SLC22A24: variants seen among roughly 807,000 people sequenced by gnomAD.
The protein encoded by SLC22A24 is steroid transmembrane transporter SLC22A24.
Under a neutral mutation model 49.8 loss-of-function variants are expected in SLC22A24, and 53 were observed. That is an observed-to-expected ratio of 1.06 (90% confidence interval 0.85 to 1.34). The LOEUF is 1.34. Among genes scored for constraint, SLC22A24 ranks in the 40% most tolerant of loss-of-function variants. The pLI, the probability that SLC22A24 is intolerant of heterozygous loss-of-function variation, is 0.00. For missense variants in SLC22A24, 786 were observed against 675.9 expected (o/e 1.16, Z -1.81); for synonymous variants, 302 against 256.4 (o/e 1.18, Z -1.70).
intron 4 of SLC22A24, among the ~76,000 whole-genome samples, chr11:63,107,353 A>G (rs779260250): frequency 6.6e-6 from 1 of 152,138 alleles, no homozygotes; most frequent in Non-Finnish European, 1.5e-5. Context: ...TGTAGTTTGA[A>G]GTCAGGTAGT....
intron 2 of SLC22A24, 122 bp from the exon 3 acceptor site, chr11:63,119,457 C>T: frequency 1.1e-6 from 1 of 916,406 alleles, no homozygotes; most frequent in East Asian, 2.7e-5. Flanking sequence ...TGGTGCTTGA[C>T]ACCGGGTGGC....
intron 4 of SLC22A24, chr11:63,118,691 A>C (rs570483233): frequency 1.9e-6 from 1 of 536,610 alleles, no homozygotes; most frequent in African/African-American, 1.9e-5. Context: ...AAATAATTTC[A>C]TGATAATTCC....
intron 2 of SLC22A24, among the ~76,000 whole-genome samples, chr11:63,133,519 C>G (rs1387985339): frequency 6.6e-6 from 1 of 152,188 alleles, no homozygotes; most frequent in African/African-American, 2.4e-5. Flanking sequence ...CCTCAGTGTC[C>G]TTGTGGGTGA....
At chr11:63,125,195 C>T (rs1339357686) in intron 2 of SLC22A24, among the ~76,000 whole-genome samples, 1 of 151,690 alleles carries the variant, frequency 6.6e-6, no homozygotes, top group African/African-American at 2.4e-5. Flanking sequence ...TCTGAGGTAC[C>T]TGTGCAGAAT....
intron 6 of SLC22A24, among the ~76,000 whole-genome samples, chr11:63,091,891 T>G (rs564769041): frequency 6.6e-6 from 1 of 152,318 alleles, no homozygotes; most frequent in Non-Finnish European, 1.5e-5. Flanking sequence ...AACATAGTAT[T>G]GGAAGTTCTG....
intron 5 of SLC22A24, among the ~76,000 whole-genome samples, chr11:63,100,879 A>G (rs934766262): frequency 1.3e-5 from 2 of 152,158 alleles, no homozygotes; most frequent in African/African-American, 2.4e-5. Flanking sequence ...AGCTCTCACC[A>G]TATAAAAAAT....
At chr11:63,124,309 G>A (rs1005938970) in intron 2 of SLC22A24, among the ~76,000 whole-genome samples, 7 of 152,084 alleles carry the variant, frequency 4.6e-5, no homozygotes, top group African/African-American at 1.7e-4. Context: ...CTGGGGGGAA[G>A]AAAGACAGAA....
At chr11:63,111,157 A>G (rs1189828555) in intron 4 of SLC22A24, among the ~76,000 whole-genome samples, 2 of 151,836 alleles carry the variant, frequency 1.3e-5, no homozygotes, top group Non-Finnish European at 2.9e-5. Context: ...ACATTTATTG[A>G]TTTGTGTATG....
At position 63,134,686 on chromosome 11, in the gene SLC22A24, A is replaced by G. The variant is rs768963599; in HGVS notation, c.485T>C (p.Ile162Thr). Residue 162 changes from isoleucine to threonine, a missense_variant, in exon 2 of 10, where the codon ATA (isoleucine) becomes ACA (threonine). Transcript: ENST00000612278. Reference protein sequence around the residue: ...FMAGSLLGGLIYGHLSDRVGR... With the variant: ...FMAGSLLGGLTYGHLSDRVGR... The stretch of plus-strand genomic sequence containing the variant: ...TCACCTGTCTGAAAGATGGCCATAT[A>G]TTAGACCTCCCAGAAGTGACCCAGC... 11 of 1,551,238 alleles carry G rather than the reference A, an allele frequency of 7.1e-6. No homozygotes were observed. In the African/African-American group the frequency reaches 1.2e-4, roughly 17 times the overall value.
chr11:63,142,332 A>T (rs1268381392), intron 1 of SLC22A24, among the ~76,000 whole-genome samples: 3 of 152,150 alleles, frequency 2.0e-5, no homozygotes, highest in Non-Finnish European at 2.9e-5. Flanking sequence ...GGTGTTATAA[A>T]ACCCAAAGGG....
At position 63,080,976 on chromosome 11, in the gene SLC22A24, G is replaced by A. The variant is rs766953635; in HGVS notation, c.1542C>T (p.Leu514=). Residue 514 remains leucine, a synonymous_variant, in exon 9 of 10, where the codon CTC becomes CTT. Coordinates refer to ENST00000612278, the MANE Select transcript of SLC22A24 (RefSeq NM_001136506.2). ...GAGGTAGATCCCTGGTTTCTGGAAG[G>A]AGGAGGATAACAGGGACAGCAAGGA... is the stretch of plus-strand genomic sequence containing the variant. ...FPILAVPVIL[L]LPETRDLPLP... is the part of the protein sequence containing the mutation. 25 of 1,552,100 alleles carry A rather than the reference G, an allele frequency of 1.6e-5. No homozygotes were observed. The South Asian group carries it at 2.7e-4, about 17-fold the overall frequency.
At chr11:63,095,494 C>A (rs949122273) in intron 6 of SLC22A24, among the ~76,000 whole-genome samples, 1 of 152,020 alleles carries the variant, frequency 6.6e-6, no homozygotes, top group Non-Finnish European at 1.5e-5. Flanking sequence ...ATTCAAGAAC[C>A]AGCAAATGTA....
intron 6 of SLC22A24, among the ~76,000 whole-genome samples, chr11:63,089,817 C>T (rs2087007712): frequency 6.6e-6 from 1 of 152,194 alleles, no homozygotes; most frequent in East Asian, 1.9e-4. Context: ...CGCGGTGGCT[C>T]ACGTCTGTAA....
chr11:63,106,757 C>A (rs2087124356), intron 4 of SLC22A24, among the ~76,000 whole-genome samples: 1 of 152,148 alleles, frequency 6.6e-6, no homozygotes, highest in East Asian at 1.9e-4. Context: ...ATATCCTTCA[C>A]CCACTTTTTG....
intron 2 of SLC22A24, among the ~76,000 whole-genome samples, chr11:63,120,779 C>G (rs2087246336): frequency 6.6e-6 from 1 of 152,006 alleles, no homozygotes; most frequent in African/African-American, 2.4e-5. Flanking sequence ...CATGATTACT[C>G]TTATAAAATG....
intron 6 of SLC22A24, among the ~76,000 whole-genome samples, chr11:63,088,097 A>G (rs2135194393): frequency 6.6e-6 from 1 of 152,294 alleles, no homozygotes; most frequent in South Asian, 2.1e-4. Context: ...TTGCCTCCTC[A>G]AGTGGGTCCC....
chr11:63,090,777 G>A (rs2087015841), intron 6 of SLC22A24, among the ~76,000 whole-genome samples: 1 of 151,844 alleles, frequency 6.6e-6, no homozygotes, highest in South Asian at 2.1e-4. Context: ...CACAGGTAAA[G>A]CAGTGTTAAG....
intron 4 of SLC22A24, among the ~76,000 whole-genome samples, chr11:63,113,059 T>C (rs868649118): frequency 0.017 from 43 of 2,584 alleles, 15 homozygotes; most frequent in East Asian, 0.071. Flanking sequence ...TATATACATA[T>C]ATATATATAC....
Position 63,134,770 on chromosome 11 carries a change from T to C in SLC22A24, c.403-2A>G. The C allele has an allele frequency of 6.4e-7, 1 of 1,567,578 alleles. No homozygotes were observed. The highest frequency in any genetic ancestry group is 8.7e-7 in the Non-Finnish European group (1 of 1,152,850). On this transcript the variant is annotated splice_acceptor_variant, in intron 1 of 9. Coordinates refer to ENST00000612278, the MANE Select transcript of SLC22A24 (RefSeq NM_001136506.2). LOFTEE classifies it high-confidence loss of function. ...CTGAGATTCACATACCAGGTCCCAC[T>C]GGAAGAGAAAGAAAGCAGTACAGCA... is the stretch of plus-strand genomic sequence containing the variant.
Sources: gnomAD v4.1 joint callset for allele counts (sites outside exome capture counted in the v4.1 genomes callset) on GRCh38, gnomAD v4.1.1 for gene constraint, MANE v1.5 for transcripts, NCBI Gene and HGNC (gene_info 2026-07-23, HGNC 2026-07-21) for gene names.